MYH1: variants seen among roughly 807,000 people sequenced by gnomAD.
MYH1 encodes the protein myosin-1.
MYH1 carries 214 observed loss-of-function variants against 225.6 expected under a neutral mutation model. The ratio of observed to expected loss-of-function variants is 0.95; its 90% CI spans 0.85 to 1.06. The LOEUF (loss-of-function observed/expected upper bound fraction) is 1.06, where lower values mean the gene tolerates loss of function less well. Ranked by LOEUF, MYH1 falls within the 50% of genes least tolerant of loss-of-function variation. The pLI is 0.00. For synonymous variants in MYH1, 774 were observed against 842.3 expected, an observed-to-expected ratio of 0.92 and a Z score of 1.40; for missense variants, 2,098 against 2,344.2, an observed-to-expected ratio of 0.89 and a Z score of 2.17.
rs200402746 is a variant in MYH1, at chr17:10,508,622, C to T, written c.1638G>A (p.Ala546=). 9.0e-5 allele frequency: 145 copies of T among 1,614,036 alleles called. 1 individual carries two copies. In the Admixed American group the frequency reaches 1.3e-3, roughly 15 times the overall value. ...GCTTGTTCTTGAAGGAGGTGTCTGT[C>T]GCCTTGGGGAACATGCACTCCTCTT... is the stretch of plus-strand genomic sequence containing the variant. ...ILEEECMFPK[A]TDTSFKNKLY... The change falls in exon 16 of 40, where the codon GCG becomes GCA. Residue 546 remains alanine (A), a synonymous_variant. Transcript: ENST00000226207.
At position 10,501,232 on chromosome 17, in the gene MYH1, C is replaced by T. The variant is rs375020058; in HGVS notation, c.3616G>A (p.Glu1206Lys). 7 of 1,614,076 alleles carry T rather than the reference C, an allele frequency of 4.3e-6. No homozygotes were observed. In the African/African-American group the frequency reaches 5.3e-5, roughly 12 times the overall value. Residue 1206 changes from glutamate (E) to lysine (K), a missense_variant, in exon 27 of 40, where the codon GAG becomes AAG. Glu to Lys is a moderately conservative substitution (Grantham distance 56). Transcript: ENST00000226207. ...AGGTTGTCAATCTGCTCCCCAAGCT[C>T]GGCCACACTATCTGCATGCTTCTTC... ...LRKKHADSVA[E>K]LGEQIDNLQR...
In MYH1 at chr17:10,496,957, C is replaced by T. The variant is rs118031977; in HGVS notation, c.4656+112G>A. ...CATGATCAGTTCTCCATTCTCATCCCTAGTTCATGGAGCAAAAATTATTTT... is the reference window on the plus strand; with the variant it reads ...CATGATCAGTTCTCCATTCTCATCCTTAGTTCATGGAGCAAAAATTATTTT... On this transcript the variant is annotated intron_variant, in intron 33 of 39. Coordinates refer to ENST00000226207, the MANE Select transcript of MYH1 (RefSeq NM_005963.4). 6,809 of 1,383,402 alleles carry T rather than the reference C, an allele frequency of 4.9e-3. 19 individuals are homozygous for T. The highest frequency in any genetic ancestry group is 6.4e-3 in the Admixed American group (287 of 44,882). The allele number at this position is 1,383,402 out of a possible 1,614,324, so 85.7% of individuals were successfully genotyped here.
At chr17:10,506,740 G>A (rs191376342) in intron 17 of MYH1, among the ~76,000 whole-genome samples, 1 of 152,192 alleles carries the variant, frequency 6.6e-6, no homozygotes, top group South Asian at 2.1e-4. Flanking sequence ...TGATCCACCC[G>A]CCTTAGCCTC....
intron 22 of MYH1, among the ~76,000 whole-genome samples, chr17:10,504,054 G>A (rs2073084272): frequency 6.6e-6 from 1 of 152,204 alleles, no homozygotes; most frequent in African/African-American, 2.4e-5. Flanking sequence ...GGCACAATGG[G>A]ACTAGTCAAT....
At chr17:10,503,493 A>G (rs1381535194) in intron 22 of MYH1, among the ~76,000 whole-genome samples, 1 of 152,200 alleles carries the variant, frequency 6.6e-6, no homozygotes, top group Non-Finnish European at 1.5e-5. Context: ...ATATGTTGGT[A>G]TATAATTTCG....
intron 38 of MYH1, 38 bp from the exon 39 acceptor site, chr17:10,494,487 A>G: frequency 6.2e-7 from 1 of 1,611,520 alleles, no homozygotes. Flanking sequence ...TCTTGAAAGT[A>G]CAAATATTAC....
In MYH1 at chr17:10,514,852, G is replaced by A; in HGVS notation, c.533+16C>T. The A allele has an allele frequency of 6.2e-7, 1 of 1,604,308 alleles. No homozygotes were observed. Among genetic ancestry groups the A allele is most frequent in the African/African-American group, 1.3e-5 (1 of 74,516 alleles). The stretch of plus-strand genomic sequence containing the variant: ...AAGAACAAACTGCCAATAAATCTCA[G>A]AATAGGAATACATACGTGATCAAGA... On this transcript the variant is annotated intron_variant, in intron 6 of 39. Coordinates refer to ENST00000226207, the MANE Select transcript of MYH1 (RefSeq NM_005963.4).
rs1475044013 is a variant in MYH1 at position 10,500,713 on chromosome 17, G to A, written c.3778C>T (p.Leu1260=). 4.3e-6 allele frequency: 7 copies of A among 1,614,072 alleles called. No homozygotes were observed. Among genetic ancestry groups the A allele is most frequent in the Non-Finnish European group, 5.9e-6 (7 of 1,179,952 alleles). The part of the protein sequence containing the change: ...EKMCRALEDQ[L]SEIKTKEEEQ... ...TCTTCCTTGGTCTTAATTTCACTCA[G>A]TTGATCTTCTAGAGCGCGGCACATC... Residue 1260 remains leucine (L), a synonymous_variant, in exon 28 of 40, where the codon CTG becomes TTG. Transcript: ENST00000226207.
At chr17:10,512,640 A>G (rs778477700) in intron 11 of MYH1, 41 bp downstream of exon 11, 6 of 1,611,290 alleles carry the variant, frequency 3.7e-6, no homozygotes, top group East Asian at 4.5e-5. Flanking sequence ...TGCCATTCCC[A>G]TGCATAATGG....
At chr17:10,515,454 AGAG>A (rs2073215743) in intron 5 of MYH1, among the ~76,000 whole-genome samples, 1 of 152,214 alleles carries the variant, frequency 6.6e-6, no homozygotes, top group Non-Finnish European at 1.5e-5. Flanking sequence ...TCATTCAAAC[AGAG>A]GATATTATAT....
intron 35 of MYH1, among the ~76,000 whole-genome samples, 173 bp downstream of exon 35, chr17:10,495,777 T>G: frequency 2.1e-5 from 1 of 48,416 alleles, no homozygotes; most frequent in Non-Finnish European, 5.5e-5. Flanking sequence ...AAAAAAAAAA[T>G]CAACTATGGA....
chr17:10,502,642 T>TAAG, intron 24 of MYH1, 96 bp downstream of exon 24: 1 of 1,554,044 alleles, frequency 6.4e-7, no homozygotes, highest in Non-Finnish European at 8.8e-7. Flanking sequence ...TAGGAGGCAC[T>TAAG]TGATAAGTAC....
At chr17:10,505,669 G>T in intron 19 of MYH1, 143 bp downstream of exon 19, 1 of 1,368,030 alleles carries the variant, frequency 7.3e-7, no homozygotes, top group Non-Finnish European at 9.9e-7. Context: ...GGACTTCAGA[G>T]TTTTCTTATG....
rs929288456 is a variant in MYH1 at position 10,505,268 on chromosome 17, A to G, written c.2330T>C (p.Leu777Pro). 6 of 1,614,054 alleles carry G rather than the reference A, an allele frequency of 3.7e-6. No homozygotes were observed. The African/African-American group carries it at 8.0e-5, about 22-fold the overall frequency. Residue 777 changes from leucine to proline, a missense_variant, in exon 21 of 40, where the codon CTA becomes CCA. Transcript: ENST00000226207. Reference sequence around the variant, plus strand: ...CAGCTTCTCATCTCGCATCTCCTCTAGGAGCCCCAGAAGACCAGCTTTGAA... The same window carrying G: ...CAGCTTCTCATCTCGCATCTCCTCTGGGAGCCCCAGAAGACCAGCTTTGAA... ...VFFKAGLLGL[L>P]EEMRDEKLAQ...
At chr17:10,504,519 G>A (rs970681291) in intron 22 of MYH1, among the ~76,000 whole-genome samples, 1 of 152,162 alleles carries the variant, frequency 6.6e-6, no homozygotes, top group Non-Finnish European at 1.5e-5. Context: ...TTTTTCAGTA[G>A]GGAGAATTTA....
intron 19 of MYH1, 44 bp downstream of exon 19, chr17:10,505,768 G>A (rs1317818614): frequency 6.2e-7 from 1 of 1,609,136 alleles, no homozygotes. Flanking sequence ...TGTTTAAAAA[G>A]TAATAAAAAC....
In MYH1 at chr17:10,494,365, C is replaced by T. The variant is rs2072965156; in HGVS notation, c.5656G>A (p.Ala1886Thr). The T allele has an allele frequency of 6.2e-7, 1 of 1,614,034 alleles. No homozygotes were observed. Among genetic ancestry groups the T allele is most frequent in the Non-Finnish European group, 8.5e-7 (1 of 1,180,026 alleles). Reference protein sequence around the residue: ...QAKVKSYKRQAEEAEEQSNVN... With the variant: ...QAKVKSYKRQTEEAEEQSNVN... ...GGTTGTGAACTCACCGCTTCTTCAG[C>T]TTGTCTCTTGTAGGATTTCACCTTT... is the stretch of plus-strand genomic sequence containing the variant. The change falls in exon 39 of 40, where the codon GCT (alanine) becomes ACT (threonine). Residue 1886 changes from alanine to threonine, a missense_variant. Coordinates refer to ENST00000226207, the MANE Select transcript of MYH1 (RefSeq NM_005963.4).
At position 10,513,997 on chromosome 17, in the gene MYH1, C is replaced by T. The variant is rs544007006; in HGVS notation, c.648+13G>A. On this transcript the variant is annotated intron_variant, in intron 7 of 39. Transcript: ENST00000226207. ...CCGACAGAGCCTGGATTCTGACTAA[C>T]AATCAGACTCACCTGCATTTTGCCA... 1 of 1,613,916 alleles carries T rather than the reference C, an allele frequency of 6.2e-7. No individual in the cohort carries two copies. Among genetic ancestry groups the T allele is most frequent in the African/African-American group, 1.3e-5 (1 of 75,054 alleles).
intron 12 of MYH1, 42 bp downstream of exon 12, chr17:10,512,366 C>G (rs1321695763): frequency 1.2e-6 from 2 of 1,613,946 alleles, no homozygotes; most frequent in East Asian, 4.5e-5. Flanking sequence ...ACATTTTTGC[C>G]TATATTCTCT....
Sources: allele counts gnomAD v4.1 joint callset (sites outside exome capture counted in the v4.1 genomes callset), GRCh38; gene constraint gnomAD v4.1.1; transcripts MANE v1.5; gene names NCBI Gene and HGNC (gene_info 2026-07-23, HGNC 2026-07-21).